Variants in ANKRD30A observed in about 807,000 individuals in gnomAD.
ANKRD30A encodes the protein ankyrin repeat domain-containing protein 30A.
ANKRD30A carries 170 observed loss-of-function variants against 166.3 expected under a neutral mutation model. The observed-to-expected ratio is 1.02, with a 90% confidence interval of 0.90 to 1.16. The LOEUF (loss-of-function observed/expected upper bound fraction) is 1.16, where lower values mean the gene tolerates loss of function less well. Ranked by LOEUF, ANKRD30A falls within the 50% of genes most tolerant of loss-of-function variation. The probability of loss-of-function intolerance (pLI) is 0.00; values close to 1 mark genes in which losing one functional copy is unlikely to be tolerated. For synonymous variants in ANKRD30A, 564 were observed against 508.9 expected (o/e 1.11, Z -1.46); for missense variants, 1,630 against 1,518.0 (o/e 1.07, Z -1.23).
At chr10:37,223,323 GA>G (rs200371223) in intron 34 of ANKRD30A, among the ~76,000 whole-genome samples, 16 of 149,806 alleles carry the variant, frequency 1.1e-4, no homozygotes, top group Admixed American at 8.0e-4. Flanking sequence ...AAAAGAAAAA[GA>G]AAAAAAAACT....
At chr10:37,140,460 A>G (rs1837020597) in intron 6 of ANKRD30A, among the ~76,000 whole-genome samples, 1 of 152,224 alleles carries the variant, frequency 6.6e-6, no homozygotes. Context: ...AGAAGTCAGA[A>G]AAGCAATTAT....
At chr10:37,179,590 T>G (rs1238348784) in intron 24 of ANKRD30A, among the ~76,000 whole-genome samples, 9 of 149,768 alleles carry the variant, frequency 6.0e-5, no homozygotes, top group African/African-American at 2.2e-4. Flanking sequence ...AGCTGATCAA[T>G]TCATAACACT....
At chr10:37,159,856 G>T (rs866294603) in intron 15 of ANKRD30A, among the ~76,000 whole-genome samples, 1 of 152,132 alleles carries the variant, frequency 6.6e-6, no homozygotes, top group South Asian at 2.1e-4. Flanking sequence ...CACCATGCCC[G>T]GCTAATGTTT....
At chr10:37,197,855 T>C (rs118144636) in intron 29 of ANKRD30A, among the ~76,000 whole-genome samples, 1 of 152,242 alleles carries the variant, frequency 6.6e-6, no homozygotes, top group Non-Finnish European at 1.5e-5. Context: ...CTTTTACTGA[T>C]ATAACACTCG....
In ANKRD30A at chr10:37,199,761, G is replaced by A. The variant is rs1209750; in HGVS notation, c.2751G>A (p.Lys917=). The change falls in exon 30 of 36, where the codon AAG becomes AAA. Residue 917 remains lysine, a synonymous_variant. Coordinates refer to ENST00000361713, the MANE Select transcript of ANKRD30A (RefSeq NM_052997.3). ...QMFPSESKQK[K]VEENSWDSES... ...TCCCTTCAGAATCAAAACAAAAGAA[G>A]GTTGAAGAAAATTCTTGGGATTCTG... The A allele has an allele frequency of 8.3e-6, 13 of 1,570,884 alleles. No individual in the cohort carries two copies. The African/African-American group carries it at 9.5e-5, about 12-fold the overall frequency.
chr10:37,196,117 T>C (rs1008611645), intron 27 of ANKRD30A, among the ~76,000 whole-genome samples: 1 of 140,698 alleles, frequency 7.1e-6, no homozygotes, highest in Non-Finnish European at 1.5e-5. Context: ...TTTTTTGTAG[T>C]AGAAGCATTC....
At chr10:37,222,003 A>C (rs1293843328) in intron 34 of ANKRD30A, among the ~76,000 whole-genome samples, 2 of 151,540 alleles carry the variant, frequency 1.3e-5, no homozygotes, top group South Asian at 4.1e-4. Context: ...AAACATTTAG[A>C]TCATGTATAG....
intron 31 of ANKRD30A, among the ~76,000 whole-genome samples, chr10:37,206,741 C>T (rs767048521): frequency 6.6e-6 from 1 of 152,088 alleles, no homozygotes; most frequent in Non-Finnish European, 1.5e-5. Flanking sequence ...CTGCAGTGAG[C>T]TGAGATTGCT....
intron 25 of ANKRD30A, among the ~76,000 whole-genome samples, chr10:37,191,537 A>G (rs1466036832): frequency 6.6e-6 from 1 of 151,908 alleles, no homozygotes; most frequent in African/African-American, 2.4e-5. Context: ...CAGTGTCATG[A>G]TTTGCTCCTG....
chr10:37,179,936 A>G (rs369371993), intron 24 of ANKRD30A, among the ~76,000 whole-genome samples: 1,504 of 13,116 alleles, frequency 0.11, 22 homozygotes, highest in Middle Eastern at 0.23. Context: ...ATTTTTGTTC[A>G]GCGATTAGCT....
chr10:37,138,918 A>G (rs868593632), intron 6 of ANKRD30A, among the ~76,000 whole-genome samples: 1 of 152,200 alleles, frequency 6.6e-6, no homozygotes, highest in African/African-American at 2.4e-5. Flanking sequence ...TCCAAGACAC[A>G]TAATTGGCAG....
At chr10:37,207,800 A>G (rs1272598281) in intron 31 of ANKRD30A, among the ~76,000 whole-genome samples, 1 of 152,032 alleles carries the variant, frequency 6.6e-6, no homozygotes, top group Non-Finnish European at 1.5e-5. Flanking sequence ...ATAGTCTCAT[A>G]CCTCTTTAAA....
At chr10:37,232,695 A>ATATATATATATAT (rs1564604874), downstream of ANKRD30A, 28 of 10,788 alleles carry the variant, frequency 2.6e-3, no homozygotes, top group African/African-American at 6.0e-3. Flanking sequence ...TATATATATA[A>ATATATATATATAT]ATAGAGAGAG....
At chr10:37,224,078 C>T (rs1843014553) in intron 34 of ANKRD30A, among the ~76,000 whole-genome samples, 1 of 151,222 alleles carries the variant, frequency 6.6e-6, no homozygotes, top group South Asian at 2.1e-4. Context: ...AGTCACAGCA[C>T]AAACTGAAAC....
rs369194109 is a variant in ANKRD30A, at chr10:37,141,761, G to T, written c.864G>T (p.Ala288=). The T allele has an allele frequency of 1.9e-6, 3 of 1,612,020 alleles. No individual in the cohort carries two copies. In the East Asian group the frequency reaches 6.7e-5, roughly 36 times the overall value. The change falls in exon 7 of 36, where the codon GCG becomes GCT. Residue 288 remains alanine, a synonymous_variant. Transcript: ENST00000361713. ...AGTPDEAAPL[A]ERTPDTAESL... is the part of the protein sequence containing the mutation. Reference sequence around the variant, plus strand: ...CACCTGATGAGGCTGCACCCTTGGCGGAAAGAACACCTGACACAGCTGAAA... The same window carrying T: ...CACCTGATGAGGCTGCACCCTTGGCTGAAAGAACACCTGACACAGCTGAAA...
intron 15 of ANKRD30A, among the ~76,000 whole-genome samples, chr10:37,158,898 G>T (rs1564504395): frequency 6.6e-6 from 1 of 152,142 alleles, no homozygotes; most frequent in Admixed American, 6.6e-5. Context: ...TGAAATATTT[G>T]CAGTGGTTCA....
chr10:37,127,046 C>CAAAAAAAAAA lies in ANKRD30A; in HGVS notation c.221+1068_221+1077dup. ...TAGGTGATAGAGTGAAACTCTGTCT[C>CAAAAAAAAAA]AAAAAAAAAAAAAAAAAAAAAAAAA... On this transcript the variant is annotated intron_variant, in intron 1 of 35. Coordinates refer to ENST00000361713, the MANE Select transcript of ANKRD30A (RefSeq NM_052997.3). Among the ~76,000 whole-genome samples the CAAAAAAAAAA allele has an allele frequency of 4.5e-3, 75 of 16,498 alleles. 13 individuals are homozygous for CAAAAAAAAAA. Among genetic ancestry groups the CAAAAAAAAAA allele is most frequent in the East Asian group, 0.012 (2 of 168 alleles). 10.8% of individuals were successfully genotyped at this position (16,498 alleles called of 152,430 possible).
chr10:37,149,140 G>A (rs1253506388), intron 9 of ANKRD30A, among the ~76,000 whole-genome samples: 5 of 151,840 alleles, frequency 3.3e-5, no homozygotes, highest in African/African-American at 7.2e-5. Flanking sequence ...TACACCATAT[G>A]GTTATGGAAA....
chr10:37,199,282 T>G (rs1379264608), intron 29 of ANKRD30A, among the ~76,000 whole-genome samples: 1 of 152,094 alleles, frequency 6.6e-6, no homozygotes, highest in Non-Finnish European at 1.5e-5. Flanking sequence ...CTAAAAAATC[T>G]TATTCATTGA....
Sources: allele counts gnomAD v4.1 joint callset (sites outside exome capture counted in the v4.1 genomes callset), GRCh38; gene constraint gnomAD v4.1.1; transcripts MANE v1.5; gene names NCBI Gene and HGNC (gene_info 2026-07-23, HGNC 2026-07-21).